The following EVA1C variants were observed in gnomAD, a reference collection of about 807,000 sequenced individuals.
EVA1C encodes the protein eva-1 homolog C.
Under a neutral mutation model 45.4 loss-of-function variants are expected in EVA1C, and 25 were observed. The ratio of observed to expected loss-of-function variants is 0.55; its 90% CI spans 0.40 to 0.77. The LOEUF (loss-of-function observed/expected upper bound fraction) is 0.77. EVA1C is among the 30% of genes least tolerant of loss of function. The pLI, the probability that EVA1C is intolerant of heterozygous loss-of-function variation, is 0.00. For synonymous variants in EVA1C, 190 were observed against 221.2 expected (o/e 0.86, Z 1.25); for missense variants, 479 against 554.8 (o/e 0.86, Z 1.37).
chr21:32,496,734 A>G (rs1431005874), intron 5 of EVA1C: 2 of 614,962 alleles, frequency 3.3e-6, no homozygotes, highest in Non-Finnish European at 5.8e-6. Context: ...TTAGCCTCCA[A>G]ATAAGGTGTA....
chr21:32,421,634 A>G (rs950615723), intron 1 of EVA1C, among the ~76,000 whole-genome samples: 2 of 152,228 alleles, frequency 1.3e-5, no homozygotes, highest in African/African-American at 4.8e-5. Context: ...TATCATCAAT[A>G]TAGGCCCATC....
At chr21:32,512,974 C>G (rs921942240) in intron 7 of EVA1C, among the ~76,000 whole-genome samples, 1 of 150,830 alleles carries the variant, frequency 6.6e-6, no homozygotes, top group Non-Finnish European at 1.5e-5. Context: ...TTACAGTATA[C>G]AGGCTTCCAT....
intron 4 of EVA1C, among the ~76,000 whole-genome samples, chr21:32,475,629 A>G (rs1381597888): frequency 6.6e-6 from 1 of 152,086 alleles, no homozygotes; most frequent in Non-Finnish European, 1.5e-5. Flanking sequence ...AACAATGCCG[A>G]GCACTTCCTA....
intron 7 of EVA1C, among the ~76,000 whole-genome samples, chr21:32,509,676 C>T (rs765385102): frequency 7.4e-4 from 112 of 152,094 alleles, no homozygotes; most frequent in Admixed American, 1.5e-3. Flanking sequence ...GAAAGGATGG[C>T]ACCCACTCAG....
intron 1 of EVA1C, among the ~76,000 whole-genome samples, chr21:32,446,929 T>G (rs2035383277): frequency 6.6e-6 from 1 of 152,170 alleles, no homozygotes; most frequent in Non-Finnish European, 1.5e-5. Context: ...GCTGTGTGAT[T>G]CCCTCACTCT....
At chr21:32,480,164 A>T (rs2036725166) in intron 4 of EVA1C, among the ~76,000 whole-genome samples, 1 of 152,008 alleles carries the variant, frequency 6.6e-6, no homozygotes, top group African/African-American at 2.4e-5. Context: ...CTGACAAAAG[A>T]GTATTATAAA....
rs1403944720 is a variant in EVA1C at position 32,422,057 on chromosome 21, A to AAAC, written c.160+9046_160+9047insCAA. Among the ~76,000 whole-genome samples, 1,015 of 151,572 alleles carry AAAC rather than the reference A, an allele frequency of 6.7e-3. 19 individuals are homozygous for AAAC. Among genetic ancestry groups the AAAC allele is most frequent in the African/African-American group, 0.023 (955 of 41,218 alleles). ...AAGACCCTGTCTCAAAAAAAAAAAAAAAAAAAGAGGGAATCTAAAAAGAAA... is the reference window on the plus strand; with the variant it reads ...AAGACCCTGTCTCAAAAAAAAAAAAAAACAAAAAAGAGGGAATCTAAAAAGAAA... On this transcript the variant is annotated intron_variant, in intron 1 of 7. Coordinates refer to ENST00000300255, the MANE Select transcript of EVA1C (RefSeq NM_058187.5).
At chr21:32,445,795 C>A (rs1388589486) in intron 1 of EVA1C, among the ~76,000 whole-genome samples, 4 of 152,164 alleles carry the variant, frequency 2.6e-5, no homozygotes, top group Non-Finnish European at 4.4e-5. Context: ...TCAACCCAAA[C>A]CTTTCAGGAT....
chr21:32,472,464 G>T (rs370848553), intron 4 of EVA1C, among the ~76,000 whole-genome samples: 87 of 152,082 alleles, frequency 5.7e-4, no homozygotes, highest in Middle Eastern at 3.4e-3. Flanking sequence ...CCGGCTGAGA[G>T]TTGGATTTAA....
intron 1 of EVA1C, among the ~76,000 whole-genome samples, chr21:32,438,486 CAAA>C (rs35688820): frequency 1.7e-5 from 1 of 57,270 alleles, no homozygotes. Context: ...GACTCTGTCT[CAAA>C]AAAAAAAAAA....
intron 5 of EVA1C, chr21:32,497,136 T>G (rs2037378519): frequency 1.2e-6 from 1 of 814,570 alleles, no homozygotes; most frequent in South Asian, 1.3e-5. Flanking sequence ...GATCATGAAA[T>G]CAAACAGGAA....
chr21:32,467,781 G>A lies in EVA1C; in HGVS notation c.567G>A (p.Ala189=), dbSNP rs2036226233. Residue 189 remains alanine, a synonymous_variant, in exon 4 of 8, where the codon GCG becomes GCA. Coordinates refer to ENST00000300255, the MANE Select transcript of EVA1C (RefSeq NM_058187.5). ...CCAAGTTCCTCAACATCTACTCTGC[G>A]ACCTACGGCAGGAGGACCCAGGAAA... ...HESKFLNIYS[A]TYGRRTQERD... 3.7e-6 allele frequency: 6 copies of A among 1,612,990 alleles called. No homozygotes were observed. The highest frequency in any genetic ancestry group is 5.1e-6 in the Non-Finnish European group (6 of 1,179,522).
At chr21:32,442,008 G>A (rs2035194014) in intron 1 of EVA1C, among the ~76,000 whole-genome samples, 1 of 152,132 alleles carries the variant, frequency 6.6e-6, no homozygotes, top group African/African-American at 2.4e-5. Context: ...ACCTTCAAGT[G>A]GCAAACATCA....
chr21:32,496,808 C>T (rs1288168109), intron 5 of EVA1C: 26 of 788,502 alleles, frequency 3.3e-5, no homozygotes, highest in East Asian at 9.8e-5. Context: ...GCCCTGGGAA[C>T]GGAGTATATT....
At chr21:32,440,084 G>A (rs2035118595) in intron 1 of EVA1C, among the ~76,000 whole-genome samples, 1 of 152,062 alleles carries the variant, frequency 6.6e-6, no homozygotes, top group South Asian at 2.1e-4. Context: ...TGTTTGTCGA[G>A]CTCTGTTGGT....
intron 7 of EVA1C, among the ~76,000 whole-genome samples, chr21:32,504,872 A>T (rs1452278437): frequency 2.6e-5 from 4 of 152,068 alleles, no homozygotes; most frequent in Non-Finnish European, 4.4e-5. Context: ...TAATTTATAA[A>T]GGAAAGAGGT....
At chr21:32,424,246 G>A (rs776796771) in intron 1 of EVA1C, among the ~76,000 whole-genome samples, 4 of 152,060 alleles carry the variant, frequency 2.6e-5, no homozygotes, top group Non-Finnish European at 4.4e-5. Context: ...CATGTTCAGT[G>A]GCTTCCGAAA....
intron 7 of EVA1C, among the ~76,000 whole-genome samples, chr21:32,509,680 C>T (rs968919629): frequency 2.0e-5 from 3 of 152,040 alleles, no homozygotes; most frequent in Non-Finnish European, 4.4e-5. Context: ...GGATGGCACC[C>T]ACTCAGCGAG....
chr21:32,448,826 T>C (rs537920141), intron 1 of EVA1C, among the ~76,000 whole-genome samples: 17 of 151,492 alleles, frequency 1.1e-4, no homozygotes, highest in African/African-American at 4.1e-4. Context: ...GGAGAATTGC[T>C]TGAATCTGGG....
Sources: gnomAD v4.1 joint callset for allele counts (sites outside exome capture counted in the v4.1 genomes callset) on GRCh38, gnomAD v4.1.1 for gene constraint, MANE v1.5 for transcripts, NCBI Gene and HGNC (gene_info 2026-07-23, HGNC 2026-07-21) for gene names.